Variants in SPATA13 observed in about 807,000 individuals in gnomAD.
SPATA13 encodes the protein spermatogenesis associated 13, also known as spermatogenesis-associated protein 13.
Under a neutral mutation model 104.0 loss-of-function variants are expected in SPATA13, and 50 were observed. The ratio of observed to expected loss-of-function variants is 0.48; its 90% CI spans 0.38 to 0.61. SPATA13 has a LOEUF of 0.61. SPATA13 is among the 20% of genes least tolerant of loss of function. The probability of loss-of-function intolerance (pLI) is 0.00; values close to 1 mark genes in which losing one functional copy is unlikely to be tolerated. For missense variants in SPATA13, 1,524 were observed against 1,690.6 expected, an observed-to-expected ratio of 0.90 and a Z score of 1.73; for synonymous variants, 606 against 667.5, an observed-to-expected ratio of 0.91 and a Z score of 1.42.
chr13:24,079,140 C>T (rs778702662), intron 3 of SPATA13, among the ~76,000 whole-genome samples: 9 of 151,788 alleles, frequency 5.9e-5, no homozygotes, highest in Admixed American at 2.0e-4. Flanking sequence ...GGGAGCAGTT[C>T]GGGGGAGGGC....
intron 1 of SPATA13, among the ~76,000 whole-genome samples, chr13:24,204,970 C>T (rs534682925): frequency 6.6e-6 from 1 of 152,210 alleles, no homozygotes; most frequent in South Asian, 2.1e-4. Context: ...ATGACAAACC[C>T]ACAGCCAATA....
At chr13:24,115,479 C>T (rs1049369437) in intron 3 of SPATA13, among the ~76,000 whole-genome samples, 6 of 152,252 alleles carry the variant, frequency 3.9e-5, no homozygotes, top group Non-Finnish European at 7.3e-5. Flanking sequence ...TTGCAAACCG[C>T]GCATGCGAAG....
intron 4 of SPATA13, among the ~76,000 whole-genome samples, chr13:24,259,263 C>T (rs1873943318): frequency 2.0e-5 from 3 of 152,352 alleles, no homozygotes; most frequent in African/African-American, 7.2e-5. Flanking sequence ...CATCTTTCTG[C>T]TGCTGTCTGC....
At chr13:24,086,433 G>A (rs1240434879) in intron 3 of SPATA13, among the ~76,000 whole-genome samples, 6 of 152,246 alleles carry the variant, frequency 3.9e-5, no homozygotes, top group African/African-American at 4.8e-5. Flanking sequence ...AAGACACCAG[G>A]GAGAGGGCTG....
intron 3 of SPATA13, among the ~76,000 whole-genome samples, chr13:24,084,095 GAGAA>G (rs71974792): frequency 0.073 from 11,109 of 152,234 alleles, 558 homozygotes; most frequent in African/African-American, 0.15. Context: ...GAGAAAGGGG[GAGAA>G]AGAGAGAGCC....
At chr13:24,086,196 C>T (rs1879712868) in intron 3 of SPATA13, among the ~76,000 whole-genome samples, 3 of 152,148 alleles carry the variant, frequency 2.0e-5, no homozygotes, top group Non-Finnish European at 4.4e-5. Flanking sequence ...TATAACAGGC[C>T]CGGCTACGTT....
At position 24,218,911 on chromosome 13, in the gene SPATA13, G is replaced by A. The variant is rs185799955; in HGVS notation, c.-111-3908G>A. 1.6e-3 allele frequency among the ~76,000 whole-genome samples: 218 copies of A among 140,506 alleles called. 2 individuals carry two copies. The highest frequency in any genetic ancestry group is 5.6e-3 in the African/African-American group (210 of 37,354). The allele number at this position is 140,506 out of a possible 152,430, so 92.2% of individuals were successfully genotyped here. The stretch of plus-strand genomic sequence containing the variant: ...CTATATTCCTGAATTTCAAATTTAA[G>A]TTTTTATTTAAAAATTACTGGTCAG... On this transcript the variant is annotated intron_variant, in intron 1 of 12. Coordinates refer to ENST00000382108, the MANE Select transcript of SPATA13 (RefSeq NM_001166271.3).
chr13:24,135,344 A>G (rs1399730240), intron 3 of SPATA13, among the ~76,000 whole-genome samples: 1 of 152,174 alleles, frequency 6.6e-6, no homozygotes, highest in Non-Finnish European at 1.5e-5. Flanking sequence ...ATCCTCTAAA[A>G]TCATATTTGT....
chr13:24,236,595 CAAAAAAAA>C (rs60473362), intron 2 of SPATA13, among the ~76,000 whole-genome samples: 1 of 118,194 alleles, frequency 8.5e-6, no homozygotes, highest in African/African-American at 3.1e-5. Context: ...GACTCCATCT[CAAAAAAAA>C]AAAAAAAAAA....
At chr13:24,193,906 G>A (rs555831914) in intron 1 of SPATA13, among the ~76,000 whole-genome samples, 3 of 152,276 alleles carry the variant, frequency 2.0e-5, no homozygotes, top group South Asian at 2.1e-4. Flanking sequence ...ATCAGTAATT[G>A]GGATTTTAAC....
chr13:24,232,020 A>G (rs1032848908), intron 2 of SPATA13, among the ~76,000 whole-genome samples: 1 of 152,224 alleles, frequency 6.6e-6, no homozygotes, highest in Non-Finnish European at 1.5e-5. Flanking sequence ...TTTATCAGAT[A>G]ATATGATTAT....
intron 3 of SPATA13, among the ~76,000 whole-genome samples, chr13:24,026,717 A>G (rs1176394301): frequency 6.6e-6 from 1 of 152,098 alleles, no homozygotes; most frequent in Non-Finnish European, 1.5e-5. Flanking sequence ...AGCTGGGACT[A>G]CAGGTGCCCG....
chr13:24,284,550 C>T (rs191653663), intron 5 of SPATA13, among the ~76,000 whole-genome samples: 13 of 152,258 alleles, frequency 8.5e-5, no homozygotes, highest in African/African-American at 2.9e-4. Flanking sequence ...GTAAACCCAG[C>T]TACTTGGGAG....
upstream of SPATA13, among the ~76,000 whole-genome samples, chr13:24,160,207 G>T (rs1187593146): frequency 1.2e-4 from 18 of 152,218 alleles, no homozygotes; most frequent in African/African-American, 4.3e-4. Flanking sequence ...TCCCGCCCTG[G>T]GGGGTGGGGG....
At chr13:24,004,816 C>T (rs1054359700) in intron 2 of SPATA13, among the ~76,000 whole-genome samples, 1 of 152,122 alleles carries the variant, frequency 6.6e-6, no homozygotes, top group Admixed American at 6.5e-5. Flanking sequence ...CAAAAGGATA[C>T]TCAGCAAAAT....
At position 24,223,067 on chromosome 13, in the gene SPATA13, G is replaced by A. The variant is rs1221645333; in HGVS notation, c.138G>A (p.Ala46=). ...ACGCCAAGATGGTGACCTCCCTTGC[G>A]TGTGGAAATGGAGTCTGTGGCTGCA... ...LKDAKMVTSL[A]CGNGVCGCSP... Residue 46 remains alanine (A), a synonymous_variant, in exon 2 of 13, where the codon GCG becomes GCA. Coordinates refer to ENST00000382108, the MANE Select transcript of SPATA13 (RefSeq NM_001166271.3). 14 of 1,551,748 alleles carry A rather than the reference G, an allele frequency of 9.0e-6. No homozygotes were observed. Among genetic ancestry groups the A allele is most frequent in the Non-Finnish European group, 9.6e-6 (11 of 1,147,014 alleles).
intron 3 of SPATA13, among the ~76,000 whole-genome samples, chr13:24,120,570 A>G (rs1881001829): frequency 2.6e-5 from 4 of 152,170 alleles, no homozygotes; most frequent in Admixed American, 2.6e-4. Context: ...TGGGTGAGCC[A>G]CTATACCACC....
At chr13:24,227,239 G>T (rs952738788) in intron 2 of SPATA13, among the ~76,000 whole-genome samples, 14 of 152,044 alleles carry the variant, frequency 9.2e-5, no homozygotes, top group Admixed American at 6.5e-4. Flanking sequence ...GTTTTTTTAT[G>T]TTAAAGATTG....
At chr13:24,059,643 G>C (rs1878706771) in intron 3 of SPATA13, among the ~76,000 whole-genome samples, 1 of 152,198 alleles carries the variant, frequency 6.6e-6, no homozygotes. Flanking sequence ...TTTCAAGTAA[G>C]TATAAGTGTG....
Sources: allele counts gnomAD v4.1 joint callset (sites outside exome capture counted in the v4.1 genomes callset), GRCh38; gene constraint gnomAD v4.1.1; transcripts MANE v1.5; gene names NCBI Gene and HGNC (gene_info 2026-07-23, HGNC 2026-07-21).